MICU1: variants seen among roughly 807,000 people sequenced by gnomAD.
MICU1 encodes the protein mitochondrial calcium uptake 1, also known as calcium uptake protein 1, mitochondrial.
A neutral mutation model predicts 56.8 loss-of-function variants in MICU1; 45 were observed. The observed-to-expected ratio is 0.79, with a 90% confidence interval of 0.62 to 1.02. The LOEUF (loss-of-function observed/expected upper bound fraction) is 1.02, where lower values mean the gene tolerates loss of function less well. Ranked by LOEUF, MICU1 falls within the 50% of genes least tolerant of loss-of-function variation. MICU1 has a pLI of 0.00. For synonymous variants in MICU1, 186 were observed against 195.1 expected (o/e 0.95, Z 0.39); for missense variants, 504 against 587.1 (o/e 0.86, Z 1.46).
At chr10:72,458,805 G>A (rs1865555813) in intron 8 of MICU1, among the ~76,000 whole-genome samples, 2 of 150,930 alleles carry the variant, frequency 1.3e-5, no homozygotes, top group Admixed American at 1.3e-4. Flanking sequence ...AGACCTCCCG[G>A]ACTCAATTGA....
chr10:72,484,742 G>A (rs73280946), intron 6 of MICU1, among the ~76,000 whole-genome samples: 8,103 of 152,166 alleles, frequency 0.053, 739 homozygotes, highest in African/African-American at 0.19. Context: ...GCAACATAGC[G>A]AGACCCTCTC....
chr10:72,521,047 T>G (rs1202221977), intron 5 of MICU1, among the ~76,000 whole-genome samples: 1 of 152,124 alleles, frequency 6.6e-6, no homozygotes, highest in East Asian at 1.9e-4. Context: ...AGTCCTGAGA[T>G]CAGCAGCAGT....
At chr10:72,549,227 A>G (rs951678053) in intron 4 of MICU1, among the ~76,000 whole-genome samples, 11 of 122,770 alleles carry the variant, frequency 9.0e-5, no homozygotes, top group African/African-American at 3.5e-4. Flanking sequence ...GTCTGGCTCT[A>G]TTGTCCAGGC....
At chr10:72,609,617 C>T (rs928771404) in intron 1 of MICU1, among the ~76,000 whole-genome samples, 1 of 151,134 alleles carries the variant, frequency 6.6e-6, no homozygotes, top group African/African-American at 2.4e-5. Context: ...ACCTGTAGTC[C>T]CAGCTACTCG....
intron 3 of MICU1, 98 bp from the exon 4 acceptor site, chr10:72,551,439 A>G (rs1442530974): frequency 1.2e-5 from 10 of 858,432 alleles, no homozygotes; most frequent in Non-Finnish European, 1.6e-5. Flanking sequence ...TATATTTTCC[A>G]TCCTATTTTG....
rs184356493 is a variant in MICU1 at position 72,589,646 on chromosome 10, A to C, written c.-1-22852T>G. On this transcript the variant is annotated intron_variant, in intron 1 of 11. Transcript: ENST00000361114. ...TATAAGACATTAAAACATATAATAA[A>C]GCCCTTCTAATTAAGAGTAGGGAAC... 5.8e-3 allele frequency among the ~76,000 whole-genome samples: 884 copies of C among 152,306 alleles called. 13 individuals are homozygous for C. Among genetic ancestry groups the C allele is most frequent in the Non-Finnish European group, 8.4e-3 (573 of 68,020 alleles).
rs1228415900 is a variant in MICU1 at position 72,477,587 on chromosome 10, A to G, written c.653-331T>C. The G allele has an allele frequency of 4.0e-6, 6 of 1,517,982 alleles. No homozygotes were observed. The South Asian group carries it at 6.0e-5, about 15-fold the overall frequency. The allele number at this position is 1,517,982 out of a possible 1,614,324, so 94.0% of individuals were successfully genotyped here. On this transcript the variant is annotated intron_variant, in intron 6 of 11. Transcript: ENST00000361114. ...AGTAATATTAACGTTCTGTTGCTTC[A>G]ATATGGTATTACTTATCTGGGCAAG...
At chr10:72,456,437 G>C (rs987767476) in intron 8 of MICU1, among the ~76,000 whole-genome samples, 2 of 152,124 alleles carry the variant, frequency 1.3e-5, no homozygotes, top group African/African-American at 4.8e-5. Flanking sequence ...TTCCCTGTTG[G>C]CTGTGCTGTG....
chr10:72,530,164 C>T (rs1839436417), intron 5 of MICU1, among the ~76,000 whole-genome samples: 1 of 150,770 alleles, frequency 6.6e-6, no homozygotes, highest in Admixed American at 6.6e-5. Context: ...CCCGTCTCTA[C>T]TAAAAATACA....
At chr10:72,418,013 C>T (rs12779570) in intron 9 of MICU1, among the ~76,000 whole-genome samples, 71,913 of 152,002 alleles carry the variant, frequency 0.47, 19,696 homozygotes, top group Non-Finnish European at 0.64. Context: ...TATCCTTCTT[C>T]GCATGGCAGC....
chr10:72,615,957 C>G (rs1841968888), intron 1 of MICU1, among the ~76,000 whole-genome samples: 1 of 152,050 alleles, frequency 6.6e-6, no homozygotes, highest in South Asian at 2.1e-4. Context: ...CCACTGCACT[C>G]CAGCCTGGGC....
intron 7 of MICU1, 70 bp from the exon 8 acceptor site, chr10:72,475,367 G>C (rs1866084939): frequency 2.3e-6 from 3 of 1,312,180 alleles, no homozygotes; most frequent in Non-Finnish European, 3.1e-6. Flanking sequence ...AGAAAAGCAA[G>C]AATCATAACT....
At chr10:72,449,372 T>C (rs1027531582) in intron 8 of MICU1, among the ~76,000 whole-genome samples, 2 of 152,146 alleles carry the variant, frequency 1.3e-5, no homozygotes, top group Non-Finnish European at 2.9e-5. Flanking sequence ...CACTCCGGCC[T>C]GGGTGACAGA....
chr10:72,523,833 C>T, intron 5 of MICU1: 1 of 1,527,650 alleles, frequency 6.5e-7, no homozygotes, highest in Non-Finnish European at 8.8e-7. Context: ...TCTCCTTGGC[C>T]CGTCTGTAAG....
At chr10:72,522,807 G>A (rs1867862098) in intron 5 of MICU1, among the ~76,000 whole-genome samples, 1 of 152,174 alleles carries the variant, frequency 6.6e-6, no homozygotes, top group Non-Finnish European at 1.5e-5. Flanking sequence ...ATTGACCTTT[G>A]GAAGCTTAAA....
chr10:72,476,628 T>C (rs1052940953), intron 7 of MICU1, among the ~76,000 whole-genome samples: 2 of 152,230 alleles, frequency 1.3e-5, no homozygotes, highest in Admixed American at 6.5e-5. Flanking sequence ...CTTTTTCCTA[T>C]ACATACAGTT....
intron 9 of MICU1, among the ~76,000 whole-genome samples, chr10:72,414,200 C>T (rs1250091396): frequency 6.6e-6 from 1 of 152,044 alleles, no homozygotes; most frequent in Non-Finnish European, 1.5e-5. Flanking sequence ...TTCCTAATAG[C>T]CCAAAACTGG....
At position 72,483,004 on chromosome 10, in the gene MICU1, C is replaced by T. The variant is rs1049753718; in HGVS notation, c.653-5748G>A. Among the ~76,000 whole-genome samples, 7 of 151,686 alleles carry T rather than the reference C, an allele frequency of 4.6e-5. No homozygotes were observed. The East Asian group carries it at 7.7e-4, about 17-fold the overall frequency. ...CTGAGTAGCTGGGATTACAGGCATG[C>T]GCCACCATGCCTGGCTAATTTTTGT... On this transcript the variant is annotated intron_variant, in intron 6 of 11. Transcript: ENST00000361114.
At chr10:72,387,715 A>T (rs1183677129) in intron 10 of MICU1, among the ~76,000 whole-genome samples, 4 of 151,638 alleles carry the variant, frequency 2.6e-5, no homozygotes, top group African/African-American at 9.7e-5. Flanking sequence ...GTCAAAAGTG[A>T]CTAAAAAAAA....
Sources: gnomAD v4.1 joint callset for allele counts (sites outside exome capture counted in the v4.1 genomes callset) on GRCh38, gnomAD v4.1.1 for gene constraint, MANE v1.5 for transcripts, NCBI Gene and HGNC (gene_info 2026-07-23, HGNC 2026-07-21) for gene names.